The following EMC3 variants were observed in gnomAD, a reference collection of about 807,000 sequenced individuals.
The protein encoded by EMC3 is 30 kDa protein.
EMC3 carries 13 observed loss-of-function variants against 36.6 expected under a neutral mutation model. That is an observed-to-expected ratio of 0.35 (90% confidence interval 0.23 to 0.56). EMC3 has a LOEUF of 0.56. Among genes scored for constraint, EMC3 ranks in the 20% least tolerant of loss-of-function variants. The pLI is 0.84. For missense variants in EMC3, 220 were observed against 324.5 expected (o/e 0.68, Z 2.47); for synonymous variants, 120 against 111.9 (o/e 1.07, Z -0.46).
intron 1 of EMC3, among the ~76,000 whole-genome samples, chr3:9,983,910 T>C (rs1026563772): frequency 2.0e-5 from 3 of 152,192 alleles, no homozygotes; most frequent in African/African-American, 7.2e-5. Context: ...TTGGGAAGAC[T>C]ACTTAACTTT....
chr3:9,978,917 G>A (rs2085880204), intron 1 of EMC3, among the ~76,000 whole-genome samples: 1 of 152,182 alleles, frequency 6.6e-6, no homozygotes, highest in African/African-American at 2.4e-5. Flanking sequence ...GTTTTAAACA[G>A]TCAGTACCCC....
chr3:9,969,394 T>C, intron 7 of EMC3: 2 of 1,189,390 alleles, frequency 1.7e-6, no homozygotes, highest in Non-Finnish European at 2.1e-6. Context: ...ATGCAATTTA[T>C]ATCTGATGTC....
chr3:10,000,703 G>A (rs1443229905), intron 1 of EMC3: 13 of 474,274 alleles, frequency 2.7e-5, no homozygotes, highest in South Asian at 1.7e-4. Context: ...TCTTCTTAAT[G>A]CCGGCAAAGA....
At chr3:9,988,837 T>A (rs624587), upstream of EMC3, 6 of 846,540 alleles carry the variant, frequency 7.1e-6, no homozygotes, top group Admixed American at 2.1e-5. Flanking sequence ...TTCTTTCTCC[T>A]CCCTCCAGTC....
chr3:10,008,681 C>T, intron 1 of EMC3: 1 of 353,902 alleles, frequency 2.8e-6, no homozygotes, highest in South Asian at 2.1e-5. Context: ...CAAAGATTTG[C>T]TGTTTACCCC....
At chr3:9,965,999 C>T (rs1021880647) in intron 7 of EMC3, among the ~76,000 whole-genome samples, 2 of 152,154 alleles carry the variant, frequency 1.3e-5, no homozygotes, top group Non-Finnish European at 2.9e-5. Context: ...TCTGTGTGGA[C>T]ATACATTTTC....
intron 7 of EMC3, 33 bp downstream of exon 7, chr3:9,969,686 A>G (rs749077591): frequency 1.2e-6 from 2 of 1,614,100 alleles, no homozygotes; most frequent in African/African-American, 2.7e-5. Flanking sequence ...CTTTCAGAGC[A>G]TTGCTGCAGC....
At chr3:9,985,404 G>T (rs1290883087) in intron 1 of EMC3, among the ~76,000 whole-genome samples, 1 of 152,180 alleles carries the variant, frequency 6.6e-6, no homozygotes, top group Non-Finnish European at 1.5e-5. Flanking sequence ...GATGATTTCT[G>T]AAAGTAATCA....
chr3:9,988,109 A>C, upstream of EMC3: 4 of 554,640 alleles, frequency 7.2e-6, no homozygotes, highest in South Asian at 7.9e-5. Context: ...TACAACTACA[A>C]ATAATGGTAC....
intron 1 of EMC3, chr3:9,994,305 T>C: frequency 3.1e-6 from 3 of 975,286 alleles, no homozygotes; most frequent in Non-Finnish European, 4.8e-6. Context: ...TTATGTTTTT[T>C]GACACATACT....
chr3:9,974,045 G>A (rs544728813), intron 4 of EMC3, among the ~76,000 whole-genome samples: 6 of 152,258 alleles, frequency 3.9e-5, no homozygotes, highest in East Asian at 1.9e-4. Context: ...GATTAAAAGC[G>A]AATCAACTTA....
chr3:9,979,819 T>A (rs926009653), intron 1 of EMC3, among the ~76,000 whole-genome samples: 2 of 152,108 alleles, frequency 1.3e-5, no homozygotes, highest in African/African-American at 4.8e-5. Context: ...CTCTTCAGGA[T>A]GAGTGAGGAT....
chr3:9,965,216 G>A (rs1423350977), intron 7 of EMC3, among the ~76,000 whole-genome samples: 1 of 151,846 alleles, frequency 6.6e-6, no homozygotes, highest in African/African-American at 2.4e-5. Flanking sequence ...AGACCAGCCT[G>A]GGCAACACAG....
Position 9,970,781 on chromosome 3 carries a change from T to C in EMC3, c.495-120A>G, listed in dbSNP as rs2085777316. 7 of 847,850 alleles carry C rather than the reference T, an allele frequency of 8.3e-6. No homozygotes were observed. In the South Asian group the frequency reaches 9.0e-5, roughly 11 times the overall value. The allele number at this position is 847,850 out of a possible 1,614,324, so 52.5% of individuals were successfully genotyped here. On this transcript the variant is annotated intron_variant, in intron 5 of 7. Transcript: ENST00000245046. ...TAAAGAAGTCACCTTGGATGGGCTA[T>C]ATTCATCCAAAGCACAACCACAGAA...
chr3:9,986,230 G>T (rs1272903572), intron 1 of EMC3, among the ~76,000 whole-genome samples: 1 of 152,162 alleles, frequency 6.6e-6, no homozygotes, highest in Admixed American at 6.5e-5. Flanking sequence ...CTAACCTAAA[G>T]GATTAACAGT....
rs2085861802 is a variant in EMC3, at chr3:9,977,426, C to T, written c.176G>A (p.Arg59Lys). ...GTATTTTCCATTTTCCCTGAGGACT[C>T]TGCTTCGAATTAGGACTTGACTGAA... ...VSDSQVLIRS[R>K]VLRENGKYIP... The change falls in exon 2 of 8, where the codon AGA (arginine) becomes AAA (lysine). Residue 59 changes from arginine to lysine, a missense_variant. Arg to Lys is a conservative substitution (Grantham distance 26). Around this residue, in one of 3 missense-constraint regions of EMC3, gnomAD observed 127 missense variants for 174.6 expected, o/e 0.73. Transcript: ENST00000245046. The T allele has an allele frequency of 6.2e-7, 1 of 1,612,696 alleles. No homozygotes were observed. Among genetic ancestry groups the T allele is most frequent in the African/African-American group, 1.3e-5 (1 of 74,954 alleles).
chr3:9,965,627 A>G (rs1181240851), intron 7 of EMC3, among the ~76,000 whole-genome samples: 2 of 152,186 alleles, frequency 1.3e-5, no homozygotes, highest in Admixed American at 1.3e-4. Context: ...CACTTTTATC[A>G]TAACAAAAAG....
chr3:10,010,601 T>C (rs1475282780), intron 1 of EMC3, among the ~76,000 whole-genome samples: 4 of 152,008 alleles, frequency 2.6e-5, no homozygotes, highest in Admixed American at 2.6e-4. Flanking sequence ...CTAGACTCCC[T>C]CCCCCACTCA....
At chr3:9,969,355 G>C (rs1213150032) in intron 7 of EMC3, 3 of 1,108,136 alleles carry the variant, frequency 2.7e-6, no homozygotes, top group Non-Finnish European at 3.3e-6. Flanking sequence ...GAACCTTTTT[G>C]TGAAAAGGCT....
Sources: allele counts gnomAD v4.1 joint callset (sites outside exome capture counted in the v4.1 genomes callset), GRCh38; gene constraint gnomAD v4.1.1; regional missense constraint gnomAD v4.1.1; transcripts MANE v1.5; gene names NCBI Gene and HGNC (gene_info 2026-07-23, HGNC 2026-07-21).